The following LENG8 variants were observed in gnomAD, a reference collection of about 807,000 sequenced individuals.
LENG8 encodes the protein leukocyte receptor cluster member 8.
A neutral mutation model predicts 102.1 loss-of-function variants in LENG8; 28 were observed. The observed-to-expected ratio is 0.27, with a 90% CI of 0.20 to 0.38. LENG8 has a LOEUF of 0.38. Ranked by LOEUF, LENG8 falls within the 10% of genes least tolerant of loss-of-function variation. LENG8 has a pLI of 1.00. For synonymous variants in LENG8, 531 were observed against 456.7 expected (o/e 1.16, Z -2.07); for missense variants, 1,022 against 1,113.9 (o/e 0.92, Z 1.17).
rs983467265 is a variant in LENG8 at position 54,457,609 on chromosome 19, G to A, written c.1732-138G>A. The A allele has an allele frequency of 8.7e-6, 6 of 686,164 alleles. No homozygotes were observed. In the Admixed American group the frequency reaches 1.3e-4, roughly 15 times the overall value. The allele number at this position is 686,164 out of a possible 1,614,324, so 42.5% of individuals were successfully genotyped here. A position where few individuals can be genotyped will look rare whatever the true frequency, so the allele number is the denominator to read the frequency against. ...ACACACCTCGGCCTCCCAAAGTGCT[G>A]GGATTACAGGCGTGAGCCACTGCGC... On this transcript the variant is annotated intron_variant, in intron 11 of 15. Transcript: ENST00000326764.
Position 54,452,078 on chromosome 19 carries a change from CCT to C in LENG8, c.39-6_39-5del, listed in dbSNP as rs762488344. 1.9e-6 allele frequency: 3 copies of C among 1,599,714 alleles called. No individual in the cohort carries two copies. Among genetic ancestry groups the C allele is most frequent in the South Asian group, 1.1e-5 (1 of 90,224 alleles). On this transcript the variant is annotated splice_polypyrimidine_tract_variant and intron_variant, in intron 2 of 15. Coordinates refer to ENST00000326764, the MANE Select transcript of LENG8 (RefSeq NM_052925.4). ...GGGGAGAACAGGTGTGACTTGATGTCCTCTCTCTCTGCAGGTCTTCTCAGTAC... is the reference window on the plus strand; with the variant it reads ...GGGGAGAACAGGTGTGACTTGATGTCCTCTCTCTGCAGGTCTTCTCAGTAC...
At chr19:54,458,885 T>G (rs962124807) in intron 15 of LENG8, 2 of 1,547,814 alleles carry the variant, frequency 1.3e-6, no homozygotes, top group African/African-American at 2.7e-5. Flanking sequence ...TTTCTCAGCT[T>G]GTCGCTGTGC....
Position 54,460,815 on chromosome 19 carries a change from G to T in LENG8, c.2290G>T (p.Glu764Ter). Residue 764 changes from glutamate to a stop codon, truncating the protein, a stop_gained, in exon 16 of 16, where the codon GAG (glutamate) becomes TAG (stop). Transcript: ENST00000326764. LOFTEE classifies it high-confidence loss of function. ...VSYLQAELAF[E>*]GEAACRAFLE... is the part of the protein sequence containing the mutation. ...CTACCTGCAGGCCGAGCTGGCCTTC[G>T]AGGGCGAGGCCGCCTGCCGGGCCTT... is the stretch of plus-strand genomic sequence containing the variant. 1 of 1,585,398 alleles carries T rather than the reference G, an allele frequency of 6.3e-7. No individual in the cohort carries two copies.
In LENG8 at chr19:54,454,450, T is replaced by C. The variant is rs766234524; in HGVS notation, c.447T>C (p.Asp149=). 18 of 1,611,118 alleles carry C rather than the reference T, an allele frequency of 1.1e-5. No homozygotes were observed. The Admixed American group carries it at 3.0e-4, about 27-fold the overall frequency. ...TLNQPPVPGM[D]ESMSYQAPPQ... is the part of the protein sequence containing the mutation. Reference sequence around the variant, plus strand: ...TGCAGCCCCCAGTCCCCGGCATGGATGAGAGCATGTCCTACCAGGCTCCCC... The same window carrying C: ...TGCAGCCCCCAGTCCCCGGCATGGACGAGAGCATGTCCTACCAGGCTCCCC... Residue 149 remains aspartate, a synonymous_variant, in exon 6 of 16, where the codon GAT becomes GAC. Transcript: ENST00000326764.
chr19:54,452,292 G>A, intron 3 of LENG8, 25 bp downstream of exon 3: 1 of 1,582,034 alleles, frequency 6.3e-7, no homozygotes, highest in Non-Finnish European at 8.6e-7. Context: ...TGGGGCTGGG[G>A]TACCCTGAGC....
In LENG8 at chr19:54,461,022, T is replaced by G. The variant is rs1331280487; in HGVS notation, c.*94T>G. The stretch of plus-strand genomic sequence containing the variant: ...GAGCCGTGGACTTGGGTTGTAAATT[T>G]ATTTGTGGGGAGTGCGCTCCAGGAA... On this transcript the variant is annotated 3_prime_UTR_variant, in exon 16 of 16. Transcript: ENST00000326764. The G allele has an allele frequency of 2.6e-6, 4 of 1,523,206 alleles. No homozygotes were observed. The highest frequency in any genetic ancestry group is 2.8e-5 in the African/African-American group (2 of 72,664). The allele number at this position is 1,523,206 out of a possible 1,614,324, so 94.4% of individuals were successfully genotyped here. A position where few individuals can be genotyped will look rare whatever the true frequency, so the allele number is the denominator to read the frequency against.
chr19:54,459,664 A>G, intron 15 of LENG8: 1 of 1,014,650 alleles, frequency 9.9e-7, no homozygotes, highest in Non-Finnish European at 1.2e-6. Flanking sequence ...TGGTCACAGC[A>G]TAGTTTGGAG....
chr19:54,461,283 C>G lies in LENG8; in HGVS notation c.*355C>G. ...CCGGTACCCGACCCGGCGCCCTGGC[C>G]CATCCCATGCCGGGGGGCCAGTGGA... On this transcript the variant is annotated 3_prime_UTR_variant, in exon 16 of 16. Coordinates refer to ENST00000326764, the MANE Select transcript of LENG8 (RefSeq NM_052925.4). 2 of 476,464 alleles carry G rather than the reference C, an allele frequency of 4.2e-6. No homozygotes were observed. The highest frequency in any genetic ancestry group is 8.2e-6 in the Non-Finnish European group (2 of 243,208). 29.5% of individuals were successfully genotyped at this position (476,464 alleles called of 1,614,324 possible). A position where few individuals can be genotyped will look rare whatever the true frequency, so the allele number is the denominator to read the frequency against.
In LENG8 at chr19:54,451,414, G is replaced by C. The variant is rs532101399; in HGVS notation, c.38+32G>C. On this transcript the variant is annotated intron_variant, in intron 2 of 15. Transcript: ENST00000326764. ...GAGGCGAGAGGGATGGAGGCCAGTC[G>C]GGAGGGAAAGAGGAAGCAAGACCCA... 2.3e-5 allele frequency: 37 copies of C among 1,611,720 alleles called. No individual in the cohort carries two copies. In the Admixed American group the frequency reaches 6.0e-4, roughly 26 times the overall value.
intron 5 of LENG8, 115 bp downstream of exon 5, chr19:54,453,771 C>G (rs1569292635): frequency 2.8e-6 from 2 of 720,556 alleles, no homozygotes; most frequent in Non-Finnish European, 4.6e-6. Flanking sequence ...TCCTTCCAAG[C>G]AACTCCTGAT....
intron 15 of LENG8, chr19:54,458,776 C>G: frequency 6.4e-7 from 1 of 1,551,244 alleles, no homozygotes; most frequent in Non-Finnish European, 8.7e-7. Flanking sequence ...GGGGCCTCTT[C>G]TCCACCCCAT....
intron 15 of LENG8, 46 bp downstream of exon 15, chr19:54,458,567 C>A (rs1289659584): frequency 1.2e-6 from 2 of 1,610,332 alleles, no homozygotes; most frequent in Non-Finnish European, 8.5e-7. Flanking sequence ...TCCCATCCTT[C>A]CGCCTCGCAC....
chr19:54,456,569 C>T, intron 10 of LENG8, 67 bp from the exon 11 acceptor site: 2 of 1,543,772 alleles, frequency 1.3e-6, no homozygotes, highest in Non-Finnish European at 8.7e-7. Flanking sequence ...AGCCAGCTGC[C>T]AAAGGGGCGA....
intron 2 of LENG8, 29 bp downstream of exon 2, chr19:54,451,411 G>T: frequency 6.2e-7 from 1 of 1,612,494 alleles, no homozygotes; most frequent in African/African-American, 1.3e-5. Flanking sequence ...ATGGAGGCCA[G>T]TCGGGAGGGA....
Position 54,460,723 on chromosome 19 carries a change from TCCCG to T in LENG8, c.2241-32_2241-29del, listed in dbSNP as rs777198515. 6.6e-5 allele frequency: 30 copies of T among 455,746 alleles called. No homozygotes were observed. The East Asian group carries it at 8.2e-4, about 12-fold the overall frequency. The allele number at this position is 455,746 out of a possible 1,614,324, so 28.2% of individuals were successfully genotyped here. ...CCGCTCGTGGGGCCCTCCCCTGCCC[TCCCG>T]CCCGCCCGCCTCATCACCTTCTCCT... On this transcript the variant is annotated intron_variant, in intron 15 of 15. Coordinates refer to ENST00000326764, the MANE Select transcript of LENG8 (RefSeq NM_052925.4).
chr19:54,460,497 C>A, intron 15 of LENG8: 2 of 1,362,744 alleles, frequency 1.5e-6, no homozygotes, highest in Non-Finnish European at 9.5e-7. Flanking sequence ...GAGGAGCCCG[C>A]TGGGCCCTTC....
At chr19:54,458,809 C>A in intron 15 of LENG8, 2 of 1,551,094 alleles carry the variant, frequency 1.3e-6, no homozygotes, top group Admixed American at 3.9e-5. Context: ...TCCTCCTGTT[C>A]TCTCCTGCCT....
At chr19:54,458,882 G>C (rs997160439) in intron 15 of LENG8, 21 of 1,548,134 alleles carry the variant, frequency 1.4e-5, no homozygotes, top group Admixed American at 2.0e-5. Context: ...TGCTTTCTCA[G>C]CTTGTCGCTG....
Position 54,456,135 on chromosome 19 carries a change from C to G in LENG8, c.1194C>G (p.Phe398Leu). 6.2e-7 allele frequency: 1 copy of G among 1,611,002 alleles called. No homozygotes were observed. The highest frequency in any genetic ancestry group is 8.5e-7 in the Non-Finnish European group (1 of 1,177,948). Residue 398 changes from phenylalanine (F) to leucine (L), a missense_variant, in exon 9 of 16, where the codon TTC becomes TTG. Phe to Leu is a conservative substitution (Grantham distance 22). Coordinates refer to ENST00000326764, the MANE Select transcript of LENG8 (RefSeq NM_052925.4). ...CCGGTCGAGCCCGGGGCAACAGCTT[C>G]ACCAAGTTTGGCAACCGCAACGTCT... The part of the protein sequence containing the change: ...GGAGRARGNS[F>L]TKFGNRNVFM...
Sources: allele counts gnomAD v4.1 joint callset, GRCh38; gene constraint gnomAD v4.1.1; transcripts MANE v1.5; gene names NCBI Gene and HGNC (gene_info 2026-07-23, HGNC 2026-07-21).